The following ERI1 variants were observed in gnomAD, a reference collection of about 807,000 sequenced individuals.
ERI1 encodes 3'-5' exoribonuclease 1.
A neutral mutation model predicts 39.7 loss-of-function variants in ERI1; 39 were observed. That is an observed-to-expected ratio of 0.98 (90% confidence interval 0.76 to 1.28). The LOEUF is 1.28. ERI1 is among the 50% of genes most tolerant of loss of function. The pLI, the probability that ERI1 is intolerant of heterozygous loss-of-function variation, is 0.00. For synonymous variants in ERI1, 204 were observed against 149.6 expected, an observed-to-expected ratio of 1.36 and a Z score of -2.65; for missense variants, 581 against 416.9, an observed-to-expected ratio of 1.39 and a Z score of -3.43.
At chr8:9,054,811 C>A (rs1798456457) in intron 3 of ERI1, among the ~76,000 whole-genome samples, 1 of 152,166 alleles carries the variant, frequency 6.6e-6, no homozygotes, top group Admixed American at 6.5e-5. Context: ...ACCTGTAATC[C>A]CAGCTAGTCA....
intron 1 of ERI1, among the ~76,000 whole-genome samples, chr8:9,005,468 A>T (rs973815497): frequency 2.0e-5 from 3 of 152,078 alleles, no homozygotes; most frequent in Admixed American, 6.5e-5. Flanking sequence ...CTTTTTGTAA[A>T]AGAAAATTTG....
chr8:9,029,854 G>C lies in ERI1; in HGVS notation c.870G>C (p.Gly290=). Residue 290 remains glycine (G), a synonymous_variant, in exon 7 of 7, where the codon GGG becomes GGC. Coordinates refer to ENST00000250263, the MANE Select transcript of ERI1 (RefSeq NM_153332.4). ...MLEKLGMDYD[G]RPHCGLDDSK... is the part of the protein sequence containing the mutation. ...AAAAATTAGGAATGGATTATGATGGGCGGCCTCACTGTGGTCTTGATGACT... is the reference window on the plus strand; with the variant it reads ...AAAAATTAGGAATGGATTATGATGGCCGGCCTCACTGTGGTCTTGATGACT... The C allele has an allele frequency of 6.2e-7, 1 of 1,614,162 alleles. No individual in the cohort carries two copies. Among genetic ancestry groups the C allele is most frequent in the East Asian group, 2.2e-5 (1 of 44,888 alleles).
chr8:9,029,403 G>T (rs185802241), intron 6 of ERI1, among the ~76,000 whole-genome samples: 3 of 151,980 alleles, frequency 2.0e-5, no homozygotes, highest in African/African-American at 7.3e-5. Context: ...ATCTCAGCTC[G>T]CTGCAGCCTC....
chr8:9,066,798 G>T (rs1798894603), intron 3 of ERI1, among the ~76,000 whole-genome samples: 1 of 152,132 alleles, frequency 6.6e-6, no homozygotes, highest in Non-Finnish European at 1.5e-5. Context: ...GGAAACAGCT[G>T]GCTGGTTTGT....
At chr8:9,058,540 A>C (rs1798586355) in intron 3 of ERI1, among the ~76,000 whole-genome samples, 1 of 152,196 alleles carries the variant, frequency 6.6e-6, no homozygotes, top group Admixed American at 6.5e-5. Flanking sequence ...GATGATCTTC[A>C]TGTATTCCTG....
chr8:9,064,340 G>A lies in ERI1; in HGVS notation n.299+43876G>A, dbSNP rs541465302. Reference sequence around the variant, plus strand: ...GCACCCCAGAAAAGCGGTACTTGCCGCTAAGGGTGAGGGACAAAGGCAGGC... The same window carrying A: ...GCACCCCAGAAAAGCGGTACTTGCCACTAAGGGTGAGGGACAAAGGCAGGC... On this transcript the variant is annotated intron_variant and non_coding_transcript_variant, in intron 3 of 3. Transcript: ENST00000518663. 7.9e-5 allele frequency among the ~76,000 whole-genome samples: 12 copies of A among 152,220 alleles called. No homozygotes were observed. The South Asian group carries it at 1.2e-3, about 16-fold the overall frequency.
chr8:9,012,273 C>T lies in ERI1; in HGVS notation c.498+521C>T, dbSNP rs990441764. Among the ~76,000 whole-genome samples, 4 of 152,184 alleles carry T rather than the reference C, an allele frequency of 2.6e-5. No homozygotes were observed. The South Asian group carries it at 6.2e-4, about 24-fold the overall frequency. On this transcript the variant is annotated intron_variant, in intron 3 of 6. Transcript: ENST00000250263. The stretch of plus-strand genomic sequence containing the variant: ...TGGAAAGTTTAAGGGTGAAATGACT[C>T]ATATAACCCTGGTTTCTAAGCCAAA...
chr8:9,060,472 C>T (rs1049634310), intron 3 of ERI1, among the ~76,000 whole-genome samples: 3 of 152,022 alleles, frequency 2.0e-5, no homozygotes, highest in Admixed American at 6.6e-5. Flanking sequence ...CCCTGAGGGG[C>T]AGTAGAATAG....
intron 3 of ERI1, among the ~76,000 whole-genome samples, chr8:9,064,485 G>A (rs1446458197): frequency 1.4e-5 from 2 of 140,182 alleles, no homozygotes; most frequent in African/African-American, 2.6e-5. Flanking sequence ...CGGAGTTTTG[G>A]GTCCACGGAT....
chr8:9,011,551 G>A lies in ERI1; in HGVS notation c.297G>A (p.Lys99=), dbSNP rs143206990. The A allele has an allele frequency of 1.3e-4, 216 of 1,605,330 alleles. No homozygotes were observed. The African/African-American group carries it at 2.6e-3, about 19-fold the overall frequency. The change falls in exon 3 of 7, where the codon AAG becomes AAA. Residue 99 remains lysine, a synonymous_variant. Coordinates refer to ENST00000250263, the MANE Select transcript of ERI1 (RefSeq NM_153332.4). ...TTCTTCTTCTACTTAGAGGAGTAAA[G>A]GATGTTCTAAAGAAGAGACTGAAAA... ...SEFKLETRGV[K]DVLKKRLKNY... is the part of the protein sequence containing the mutation.
At chr8:9,006,970 ATG>A (rs1444609495) in intron 1 of ERI1, among the ~76,000 whole-genome samples, 5 of 152,356 alleles carry the variant, frequency 3.3e-5, no homozygotes, top group Middle Eastern at 3.4e-3. Flanking sequence ...CGTGAGGACA[ATG>A]TGGTACATTA....
chr8:9,045,693 T>G (rs1798151826), intron 3 of ERI1, among the ~76,000 whole-genome samples: 1 of 149,162 alleles, frequency 6.7e-6, no homozygotes, highest in Non-Finnish European at 1.5e-5. Context: ...TTTTTTTTTT[T>G]TGAGATGGAG....
intron 6 of ERI1, among the ~76,000 whole-genome samples, chr8:9,025,023 T>G (rs1370942936): frequency 1.3e-5 from 2 of 152,194 alleles, no homozygotes; most frequent in Non-Finnish European, 2.9e-5. Context: ...CAGGATACTT[T>G]GCAGAAATCC....
At chr8:9,004,299 A>G (rs566861071) in intron 1 of ERI1, 1 of 1,129,734 alleles carries the variant, frequency 8.9e-7, no homozygotes, top group Non-Finnish European at 1.1e-6. Context: ...CTCATCCTGT[A>G]AGTGGGTTTT....
chr8:9,097,791 A>G (rs1799925161), intron 3 of ERI1, among the ~76,000 whole-genome samples: 2 of 152,202 alleles, frequency 1.3e-5, no homozygotes, highest in Non-Finnish European at 2.9e-5. Context: ...AAGAATGTGG[A>G]TTTTATTCTG....
chr8:9,069,012 C>T (rs1798970484), intron 3 of ERI1, among the ~76,000 whole-genome samples: 1 of 152,030 alleles, frequency 6.6e-6, no homozygotes, highest in African/African-American at 2.4e-5. Context: ...GAGATGAGGG[C>T]CGCGCTGTGT....
intron 6 of ERI1, among the ~76,000 whole-genome samples, chr8:9,029,545 G>C (rs931268066): frequency 7.9e-5 from 12 of 152,128 alleles, no homozygotes; most frequent in Admixed American, 7.2e-4. Flanking sequence ...TCGCCAGGCT[G>C]GTCTCATACT....
At chr8:9,017,895 A>G (rs1030543830) in intron 4 of ERI1, among the ~76,000 whole-genome samples, 2 of 152,184 alleles carry the variant, frequency 1.3e-5, no homozygotes, top group African/African-American at 4.8e-5. Flanking sequence ...TCAGTCTGGC[A>G]GCAGTATGTA....
chr8:9,025,377 A>G (rs1045041100), intron 6 of ERI1, among the ~76,000 whole-genome samples: 2 of 152,204 alleles, frequency 1.3e-5, no homozygotes, highest in African/African-American at 2.4e-5. Flanking sequence ...CTTGAAGTCA[A>G]ACATTTTCTC....
Sources: allele counts gnomAD v4.1 joint callset (sites outside exome capture counted in the v4.1 genomes callset), GRCh38; gene constraint gnomAD v4.1.1; transcripts MANE v1.5; gene names NCBI Gene and HGNC (gene_info 2026-07-23, HGNC 2026-07-21).